C2orf76: variants seen among roughly 807,000 people sequenced by gnomAD.
C2orf76 encodes the protein chromosome 2 open reading frame 76.
Under a neutral mutation model 16.9 loss-of-function variants are expected in C2orf76, and 23 were observed. The observed-to-expected ratio is 1.36, with a 90% confidence interval of 0.98 to 1.93. The LOEUF is 1.93. Ranked by LOEUF, C2orf76 falls within the 30% of genes most tolerant of loss-of-function variation. C2orf76 has a pLI of 0.00. For synonymous variants in C2orf76, 48 were observed against 52.3 expected, an observed-to-expected ratio of 0.92 and a Z score of 0.35; for missense variants, 152 against 152.6, an observed-to-expected ratio of 1.00 and a Z score of 0.02.
chr2:119,342,322 G>T (rs1404500719), intron 1 of C2orf76, among the ~76,000 whole-genome samples: 3 of 152,128 alleles, frequency 2.0e-5, no homozygotes, highest in African/African-American at 7.2e-5. Flanking sequence ...TTTGATAGGA[G>T]ACAATTGGCC....
chr2:119,285,688 G>A, the C2orf76 span, among the ~76,000 whole-genome samples: 4 of 152,162 alleles, frequency 2.6e-5, no homozygotes, highest in Non-Finnish European at 4.4e-5. Context: ...AAGCAATTTG[G>A]GCAGAGGCTG....
intron 2 of C2orf76, among the ~76,000 whole-genome samples, chr2:119,337,298 T>G (rs940076575): frequency 1.3e-5 from 2 of 151,514 alleles, no homozygotes; most frequent in Admixed American, 1.3e-4. Flanking sequence ...CTCAAGCTCC[T>G]GGGCTCAAGT....
chr2:119,354,115 A>G (rs1452018737), intron 1 of C2orf76, among the ~76,000 whole-genome samples: 1 of 152,228 alleles, frequency 6.6e-6, no homozygotes, highest in Admixed American at 6.5e-5. Flanking sequence ...GAAACATCAA[A>G]TTGTGCTCCC....
chr2:119,310,629 T>C (rs1233665632), intron 5 of C2orf76, among the ~76,000 whole-genome samples: 2 of 152,098 alleles, frequency 1.3e-5, no homozygotes, highest in South Asian at 2.1e-4. Flanking sequence ...TTATGAACAA[T>C]GTGAGGCCGA....
chr2:119,303,688 T>C (rs1678686172), intron 5 of C2orf76, among the ~76,000 whole-genome samples: 1 of 152,322 alleles, frequency 6.6e-6, no homozygotes, highest in African/African-American at 2.4e-5. Context: ...GTTTTTGCTG[T>C]TTTCAAGAAT....
At chr2:119,312,377 T>C (rs953347038) in intron 4 of C2orf76, among the ~76,000 whole-genome samples, 1 of 152,132 alleles carries the variant, frequency 6.6e-6, no homozygotes, top group African/African-American at 2.4e-5. Context: ...GCCTCCTGAG[T>C]AGCTGGGACT....
At chr2:119,323,414 C>T (rs2104570656) in intron 2 of C2orf76, among the ~76,000 whole-genome samples, 1 of 152,156 alleles carries the variant, frequency 6.6e-6, no homozygotes. Context: ...ATTTAAAGCA[C>T]CTACTACCAG....
chr2:119,314,881 T>C (rs971195700), intron 4 of C2orf76, among the ~76,000 whole-genome samples: 1 of 152,196 alleles, frequency 6.6e-6, no homozygotes, highest in Non-Finnish European at 1.5e-5. Flanking sequence ...GGTTTTGTTT[T>C]GTTGTTAAGT....
intron 1 of C2orf76, among the ~76,000 whole-genome samples, chr2:119,359,691 G>C (rs958935058): frequency 2.0e-5 from 3 of 152,108 alleles, no homozygotes; most frequent in Non-Finnish European, 4.4e-5. Flanking sequence ...CCTTAAGATG[G>C]GACTGAACTG....
chr2:119,346,828 G>A (rs1024836576), intron 1 of C2orf76, among the ~76,000 whole-genome samples: 5 of 152,096 alleles, frequency 3.3e-5, no homozygotes, highest in Non-Finnish European at 5.9e-5. Flanking sequence ...TAAAACTAGT[G>A]AAATCTAAAT....
the C2orf76 span, among the ~76,000 whole-genome samples, chr2:119,282,311 G>T: frequency 1.3e-5 from 2 of 152,178 alleles, no homozygotes; most frequent in African/African-American, 4.8e-5. Context: ...CTGATGCAGG[G>T]AGTCTGTTTT....
At chr2:119,314,494 A>G (rs974208090) in intron 4 of C2orf76, among the ~76,000 whole-genome samples, 1 of 152,204 alleles carries the variant, frequency 6.6e-6, no homozygotes, top group Non-Finnish European at 1.5e-5. Context: ...TTGAAATGCC[A>G]TATTTACTAT....
intron 3 of C2orf76, among the ~76,000 whole-genome samples, chr2:119,319,790 C>T (rs1183280281): frequency 6.6e-6 from 1 of 151,908 alleles, no homozygotes; most frequent in African/African-American, 2.4e-5. Context: ...AATCTGACTC[C>T]ACACTCTTTC....
At chr2:119,346,857 C>T (rs72831207) in intron 1 of C2orf76, among the ~76,000 whole-genome samples, 2,866 of 152,252 alleles carry the variant, frequency 0.019, 36 homozygotes, top group South Asian at 0.054. Flanking sequence ...TTGCTTGTAT[C>T]AATTTCAATT....
intron 2 of C2orf76, among the ~76,000 whole-genome samples, chr2:119,336,875 A>T (rs149902170): frequency 1.0e-3 from 156 of 152,166 alleles, no homozygotes; most frequent in African/African-American, 3.5e-3. Context: ...TTTGACACGG[A>T]GTCCATCCAT....
chr2:119,358,633 G>C (rs1315566309), intron 1 of C2orf76, among the ~76,000 whole-genome samples: 1 of 149,338 alleles, frequency 6.7e-6, no homozygotes, highest in Non-Finnish European at 1.5e-5. Flanking sequence ...GAGAAAGTCT[G>C]AGTGCTCTGG....
At chr2:119,341,039 T>C (rs1335913542) in intron 1 of C2orf76, among the ~76,000 whole-genome samples, 1 of 152,200 alleles carries the variant, frequency 6.6e-6, no homozygotes, top group Non-Finnish European at 1.5e-5. Context: ...CAGCATTTTC[T>C]GCCCTGGGAC....
At chr2:119,281,346 C>T in the C2orf76 span, among the ~76,000 whole-genome samples, 8 of 152,104 alleles carry the variant, frequency 5.3e-5, no homozygotes, top group African/African-American at 1.2e-4. Flanking sequence ...CATCATTTAG[C>T]TCCCACTTAT....
chr2:119,282,310 GGA>G, the C2orf76 span, among the ~76,000 whole-genome samples: 6 of 152,160 alleles, frequency 3.9e-5, no homozygotes, highest in Non-Finnish European at 7.3e-5. Flanking sequence ...TCTGATGCAG[GGA>G]GTCTGTTTTC....
Sources: allele counts gnomAD v4.1 joint callset (sites outside exome capture counted in the v4.1 genomes callset), GRCh38; gene constraint gnomAD v4.1.1; transcripts MANE v1.5; gene names NCBI Gene and HGNC (gene_info 2026-07-23, HGNC 2026-07-21).